Variants in NT5E observed in about 807,000 individuals in gnomAD.
NT5E encodes 5'-nucleotidase ecto, also known as 5'-nucleotidase.
A neutral mutation model predicts 55.1 loss-of-function variants in NT5E; 53 were observed. The ratio of observed to expected loss-of-function variants is 0.96; its 90% CI spans 0.77 to 1.21. The LOEUF is 1.21. NT5E is among the 50% of genes most tolerant of loss of function. NT5E has a pLI of 0.00. For synonymous variants in NT5E, 270 were observed against 278.4 expected (o/e 0.97, Z 0.30); for missense variants, 683 against 724.3 (o/e 0.94, Z 0.65).
intron 8 of NT5E, among the ~76,000 whole-genome samples, chr6:85,492,665 T>C (rs1303957327): frequency 6.6e-6 from 1 of 152,172 alleles, no homozygotes; most frequent in Non-Finnish European, 1.5e-5. Context: ...TTGATGTCAG[T>C]TGGTACTTCT....
chr6:85,492,687 G>A (rs751971965), intron 8 of NT5E, among the ~76,000 whole-genome samples: 5 of 152,146 alleles, frequency 3.3e-5, no homozygotes, highest in African/African-American at 4.8e-5. Context: ...GCAGCATTGA[G>A]GGACATTATA....
intron 5 of NT5E, among the ~76,000 whole-genome samples, chr6:85,488,398 A>G (rs1218903788): frequency 2.6e-5 from 4 of 152,198 alleles, no homozygotes; most frequent in Non-Finnish European, 5.9e-5. Context: ...GACCAGACTC[A>G]TGATGTCTCC....
Position 85,489,632 on chromosome 6 carries a change from A to T in NT5E, c.1210+33A>T, listed in dbSNP as rs760656560. 16 of 1,458,492 alleles carry T rather than the reference A, an allele frequency of 1.1e-5. No individual in the cohort carries two copies. The East Asian group carries it at 3.0e-4, about 27-fold the overall frequency. The allele number at this position is 1,458,492 out of a possible 1,614,324, so 90.3% of individuals were successfully genotyped here. ...CCCAGGCCCAGCTCCTCAGTGTGTCATGTTCTCTCTCTGATCTCCTTTTCT... is the reference window on the plus strand; with the variant it reads ...CCCAGGCCCAGCTCCTCAGTGTGTCTTGTTCTCTCTCTGATCTCCTTTTCT... On this transcript the variant is annotated intron_variant, in intron 6 of 8. Transcript: ENST00000257770.
At chr6:85,466,919 A>C in intron 1 of NT5E, 141 bp from the exon 2 acceptor site, 1 of 773,990 alleles carries the variant, frequency 1.3e-6, no homozygotes, top group Non-Finnish European at 2.2e-6. Context: ...GATGATCTGA[A>C]TGTCCCTGGG....
At chr6:85,481,410 C>A (rs934376329) in intron 3 of NT5E, among the ~76,000 whole-genome samples, 3 of 152,162 alleles carry the variant, frequency 2.0e-5, no homozygotes, top group African/African-American at 7.2e-5. Flanking sequence ...GGGCCAAGAT[C>A]AGAAAGATGT....
chr6:85,480,148 T>C (rs1428188666), intron 3 of NT5E, among the ~76,000 whole-genome samples: 1 of 152,136 alleles, frequency 6.6e-6, no homozygotes, highest in Non-Finnish European at 1.5e-5. Context: ...TGGTGAACTG[T>C]CCCTACCTAC....
chr6:85,493,854 C>G lies in NT5E; in HGVS notation c.1575C>G (p.Ile525Met). 1.9e-6 allele frequency: 3 copies of G among 1,613,510 alleles called. No homozygotes were observed. The highest frequency in any genetic ancestry group is 2.5e-6 in the Non-Finnish European group (3 of 1,179,520). Residue 525 changes from isoleucine (I) to methionine (M), a missense_variant, in exon 9 of 9, where the codon ATC becomes ATG. Coordinates refer to ENST00000257770, the MANE Select transcript of NT5E (RefSeq NM_002526.4). ...ATGTTTTTCTAGGTGACCAAGATAT[C>G]AACGTGGTTTCTACATATATCTCCA... ...LLRHDSGDQD[I>M]NVVSTYISKM...
intron 1 of NT5E, among the ~76,000 whole-genome samples, chr6:85,459,767 G>A (rs1045354823): frequency 6.6e-6 from 1 of 152,186 alleles, no homozygotes; most frequent in African/African-American, 2.4e-5. Flanking sequence ...CCTTCTGGGG[G>A]TATTTGTCAA....
At position 85,483,015 on chromosome 6, in the gene NT5E, T is replaced by G. The variant is rs1364666540; in HGVS notation, c.752-2220T>G. Among the ~76,000 whole-genome samples the G allele has an allele frequency of 2.6e-5, 4 of 152,228 alleles. No homozygotes were observed. In the East Asian group the frequency reaches 7.7e-4, roughly 29 times the overall value. On this transcript the variant is annotated intron_variant, in intron 3 of 8. Transcript: ENST00000257770. ...AATGACAAAAGGATCATGAAGGTCTTTCCAAATGAATGAATGTTTTCTGGA... is the reference window on the plus strand; with the variant it reads ...AATGACAAAAGGATCATGAAGGTCTGTCCAAATGAATGAATGTTTTCTGGA...
In NT5E at chr6:85,450,810, C is replaced by T. The variant is rs1582364274; in HGVS notation, c.339+332C>T. Among the ~76,000 whole-genome samples the T allele has an allele frequency of 6.6e-6, 1 of 152,210 alleles. No individual in the cohort carries two copies. The stretch of plus-strand genomic sequence containing the variant: ...TGAATCGGATCCCTCACGCAGCTCT[C>T]ATTTACTGCTAGATCTTTCAAAGAA... On this transcript the variant is annotated intron_variant, in intron 1 of 8. Coordinates refer to ENST00000257770, the MANE Select transcript of NT5E (RefSeq NM_002526.4). This position sits in a 1 kb window ranked among gnomAD's most constrained non-coding sequence, Gnocchi z 4.0.
At chr6:85,476,177 T>A (rs1769431868) in intron 3 of NT5E, among the ~76,000 whole-genome samples, 1 of 152,098 alleles carries the variant, frequency 6.6e-6, no homozygotes, top group Non-Finnish European at 1.5e-5. Flanking sequence ...AAGTTCAGAG[T>A]CCCTTGATCT....
chr6:85,472,952 A>G (rs1252600234), intron 3 of NT5E, among the ~76,000 whole-genome samples: 1 of 152,176 alleles, frequency 6.6e-6, no homozygotes, highest in East Asian at 1.9e-4. Flanking sequence ...AGGCACTTAC[A>G]TTACTCATAA....
intron 8 of NT5E, 129 bp from the exon 9 acceptor site, chr6:85,493,712 G>A (rs969029388): frequency 2.2e-5 from 16 of 726,522 alleles, no homozygotes; most frequent in Non-Finnish European, 3.1e-5. Context: ...GATCACTAGC[G>A]TTCTTGTCTT....
intron 2 of NT5E, among the ~76,000 whole-genome samples, chr6:85,469,770 T>A (rs1326118032): frequency 6.6e-6 from 1 of 152,224 alleles, no homozygotes; most frequent in African/African-American, 2.4e-5. Context: ...GTCCAACACA[T>A]CTGTGAGCTG....
intron 1 of NT5E, 118 bp from the exon 2 acceptor site, chr6:85,466,942 G>T: frequency 1.1e-6 from 1 of 951,692 alleles, no homozygotes; most frequent in Non-Finnish European, 1.7e-6. Context: ...TGACCCAGGT[G>T]AGGAGGACAC....
At chr6:85,458,867 A>T (rs1582369380) in intron 1 of NT5E, among the ~76,000 whole-genome samples, 2 of 152,290 alleles carry the variant, frequency 1.3e-5, no homozygotes, top group Admixed American at 1.3e-4. Flanking sequence ...TCATTCATAC[A>T]TTCTTTCAAC....
At chr6:85,493,715 C>A in intron 8 of NT5E, 126 bp from the exon 9 acceptor site, 1 of 746,514 alleles carries the variant, frequency 1.3e-6, no homozygotes, top group Non-Finnish European at 2.3e-6. Flanking sequence ...CACTAGCGTT[C>A]TTGTCTTCTG....
At chr6:85,471,456 G>A (rs199506741) in intron 3 of NT5E, 31 bp downstream of exon 3, 743 of 1,598,460 alleles carry the variant, frequency 4.6e-4, no homozygotes, top group Non-Finnish European at 6.1e-4. Flanking sequence ...GCATGGGCCA[G>A]GATGTCCAGA....
rs202247637 is a variant in NT5E at position 85,467,356 on chromosome 6, G to C, written c.562+74G>C. 1.4e-5 allele frequency: 17 copies of C among 1,248,046 alleles called. No homozygotes were observed. The South Asian group carries it at 2.1e-4, about 15-fold the overall frequency. 77.3% of individuals were successfully genotyped at this position (1,248,046 alleles called of 1,614,324 possible). On this transcript the variant is annotated intron_variant, in intron 2 of 8. Coordinates refer to ENST00000257770, the MANE Select transcript of NT5E (RefSeq NM_002526.4). ...ATCACAGCTTGGCATTATATTTATG[G>C]ACTGTAGATAAAAGTAGGAACAACT...
Sources: gnomAD v4.1 joint callset for allele counts (sites outside exome capture counted in the v4.1 genomes callset) on GRCh38, gnomAD v4.1.1 for gene constraint, Gnocchi (gnomAD v3.1) non-coding constraint, MANE v1.5 for transcripts, NCBI Gene and HGNC (gene_info 2026-07-23, HGNC 2026-07-21) for gene names.